NQO1: variants seen among roughly 807,000 people sequenced by gnomAD.
The protein encoded by NQO1 is NAD(P)H quinone dehydrogenase 1.
A neutral mutation model predicts 32.1 loss-of-function variants in NQO1; 30 were observed. The ratio of observed to expected loss-of-function variants is 0.94; its 90% confidence interval spans 0.70 to 1.27. NQO1 has a LOEUF of 1.27. Among genes scored for constraint, NQO1 ranks in the 50% most tolerant of loss-of-function variants. The pLI is 0.00. For synonymous variants in NQO1, 109 were observed against 119.7 expected (o/e 0.91, Z 0.59); for missense variants, 276 against 331.3 (o/e 0.83, Z 1.30).
At chr16:69,724,972 A>G (rs2038241656) in intron 1 of NQO1, among the ~76,000 whole-genome samples, 1 of 152,204 alleles carries the variant, frequency 6.6e-6, no homozygotes, top group African/African-American at 2.4e-5. Flanking sequence ...TAAATACAGA[A>G]CATTCTGTAA....
chr16:69,718,388 A>G lies in NQO1; in HGVS notation c.154T>C (p.Ser52Pro), dbSNP rs894987542. 1.2e-6 allele frequency: 2 copies of G among 1,614,184 alleles called. No homozygotes were observed. Among genetic ancestry groups the G allele is most frequent in the African/African-American group, 1.3e-5 (1 of 75,054 alleles). Reference sequence around the variant, plus strand: ...CTCCTACCTGTGATGTCCTTTCTGGAAATGATGGGATTGAAGTTCATGGCA... The same window carrying G: ...CTCCTACCTGTGATGTCCTTTCTGGGAATGATGGGATTGAAGTTCATGGCA... ...LYAMNFNPII[S>P]RKDITGKLKD... Residue 52 changes from serine (S) to proline (P), a missense_variant, in exon 2 of 6, where the codon TCC (serine) becomes CCC (proline). Transcript: ENST00000320623.
rs140517185 is a variant in NQO1, at chr16:69,724,034, C to T, written c.7+2399G>A. Among the ~76,000 whole-genome samples the T allele has an allele frequency of 3.3e-5, 5 of 151,932 alleles. No individual in the cohort carries two copies. The East Asian group carries it at 9.8e-4, about 30-fold the overall frequency. On this transcript the variant is annotated intron_variant, in intron 1 of 5. Coordinates refer to ENST00000320623, the MANE Select transcript of NQO1 (RefSeq NM_000903.3). ...GTAAGGGACAAAGTTCAACAGAAGGCTGGGTGTGGTGGCTCATGCCTGTAA... is the reference window on the plus strand; with the variant it reads ...GTAAGGGACAAAGTTCAACAGAAGGTTGGGTGTGGTGGCTCATGCCTGTAA...
intron 3 of NQO1, among the ~76,000 whole-genome samples, chr16:69,716,692 A>T (rs1394618296): frequency 6.6e-6 from 1 of 151,848 alleles, no homozygotes; most frequent in East Asian, 1.9e-4. Flanking sequence ...GCACATGCCT[A>T]TAATCCCAGC....
At chr16:69,723,501 C>G (rs1486302331) in intron 1 of NQO1, among the ~76,000 whole-genome samples, 1 of 151,930 alleles carries the variant, frequency 6.6e-6, no homozygotes, top group East Asian at 1.9e-4. Flanking sequence ...GAAAAATGAT[C>G]AAAAGAAGGT....
At chr16:69,725,826 A>G (rs942345124) in intron 1 of NQO1, among the ~76,000 whole-genome samples, 1 of 152,210 alleles carries the variant, frequency 6.6e-6, no homozygotes. Context: ...CTGAGCTGAG[A>G]TAGCGCCATT....
intron 1 of NQO1, among the ~76,000 whole-genome samples, chr16:69,723,464 T>C (rs1478968446): frequency 6.6e-6 from 1 of 152,088 alleles, no homozygotes; most frequent in Non-Finnish European, 1.5e-5. Flanking sequence ...GTACCTGGAA[T>C]AGGTAGATCC....
chr16:69,726,380 G>A (rs1171258737), intron 1 of NQO1, 53 bp downstream of exon 1: 3 of 1,607,606 alleles, frequency 1.9e-6, no homozygotes, highest in Non-Finnish European at 2.5e-6. Flanking sequence ...TCCTCCACAG[G>A]CACCAGTGCT....
intron 3 of NQO1, among the ~76,000 whole-genome samples, chr16:69,716,368 T>C (rs961793632): frequency 1.3e-5 from 2 of 151,724 alleles, no homozygotes; most frequent in African/African-American, 4.8e-5. Context: ...GGTGCATGCC[T>C]GTAGTCCCAG....
At chr16:69,712,037 T>C (rs2038048345) in intron 5 of NQO1, among the ~76,000 whole-genome samples, 2 of 152,288 alleles carry the variant, frequency 1.3e-5, no homozygotes, top group South Asian at 4.1e-4. Context: ...GTAACACCAA[T>C]AAGCCCACCC....
At chr16:69,721,140 C>G (rs531899770) in intron 1 of NQO1, among the ~76,000 whole-genome samples, 1 of 151,940 alleles carries the variant, frequency 6.6e-6, no homozygotes, top group Non-Finnish European at 1.5e-5. Context: ...TTTTGCCTGC[C>G]TCAGCCTCCT....
chr16:69,724,802 T>G (rs1276527336), intron 1 of NQO1, among the ~76,000 whole-genome samples: 1 of 152,176 alleles, frequency 6.6e-6, no homozygotes. Flanking sequence ...GGAACATGAG[T>G]GCAAATCAGA....
At chr16:69,723,048 C>A (rs2038214117) in intron 1 of NQO1, among the ~76,000 whole-genome samples, 1 of 152,180 alleles carries the variant, frequency 6.6e-6, no homozygotes, top group African/African-American at 2.4e-5. Flanking sequence ...CTGCCTCAGC[C>A]TCCAGAGTAG....
chr16:69,720,281 T>C (rs908427618), intron 1 of NQO1, among the ~76,000 whole-genome samples: 1 of 151,632 alleles, frequency 6.6e-6, no homozygotes, highest in Non-Finnish European at 1.5e-5. Flanking sequence ...ATTTTAAAAA[T>C]TAAAAAAATT....
intron 1 of NQO1, among the ~76,000 whole-genome samples, chr16:69,721,233 C>T (rs1309109867): frequency 2.6e-5 from 4 of 152,154 alleles, no homozygotes; most frequent in African/African-American, 9.7e-5. Flanking sequence ...ATGTTTTAAA[C>T]GTGTCCCCCT....
In NQO1 at chr16:69,720,911, C is replaced by T. The variant is rs150763279; in HGVS notation, c.8-2377G>A. On this transcript the variant is annotated intron_variant, in intron 1 of 5. Transcript: ENST00000320623. Reference sequence around the variant, plus strand: ...TTTTTCTCTTTCTGAGACAGGGTCTCGATCTGTTGCCCAGGCTGGAATGCA... The same window carrying T: ...TTTTTCTCTTTCTGAGACAGGGTCTTGATCTGTTGCCCAGGCTGGAATGCA... 2.3e-3 allele frequency among the ~76,000 whole-genome samples: 343 copies of T among 152,044 alleles called. 2 individuals carry two copies. Among genetic ancestry groups the T allele is most frequent in the South Asian group, 5.8e-3 (28 of 4,822 alleles).
rs760170604 is a variant in NQO1 at position 69,718,161 on chromosome 16, G to C, written c.265C>G (p.Gln89Glu). 6.2e-7 allele frequency: 1 copy of C among 1,614,014 alleles called. No individual in the cohort carries two copies. The highest frequency in any genetic ancestry group is 8.5e-7 in the Non-Finnish European group (1 of 1,179,934). Reference protein sequence around the residue: ...GHLSPDIVAEQKKLEAADLVI... With the variant: ...GHLSPDIVAEEKKLEAADLVI... ...AGGTCTGCGGCTTCCAGCTTCTTTT[G>C]TTCAGCCACAATATCTGGGCTCAGA... Residue 89 changes from glutamine to glutamate, a missense_variant, in exon 3 of 6, where the codon CAA becomes GAA. Physicochemically the swap from Gln to Glu is conservative, Grantham distance 29. Transcript: ENST00000320623.
intron 1 of NQO1, among the ~76,000 whole-genome samples, chr16:69,724,935 C>T (rs571041820): frequency 2.6e-5 from 4 of 152,282 alleles, no homozygotes; most frequent in East Asian, 1.9e-4. Flanking sequence ...TCATTACCAC[C>T]GCCCTTTTTT....
At position 69,713,076 on chromosome 16, in the gene NQO1, A is replaced by G; in HGVS notation, c.471T>C (p.Ser157=). 1 of 1,614,184 alleles carries G rather than the reference A, an allele frequency of 6.2e-7. No individual in the cohort carries two copies. The highest frequency in any genetic ancestry group is 8.5e-7 in the Non-Finnish European group (1 of 1,180,008). ...ITTGGSGSMY[S]LQGIHGDMNV... ...TCATGTCCCCGTGGATCCCTTGCAGAGAGTACATGGAGCCACTGCCACCAG... is the reference window on the plus strand; with the variant it reads ...TCATGTCCCCGTGGATCCCTTGCAGGGAGTACATGGAGCCACTGCCACCAG... Residue 157 remains serine, a synonymous_variant, in exon 5 of 6, where the codon TCT becomes TCC. Coordinates refer to ENST00000320623, the MANE Select transcript of NQO1 (RefSeq NM_000903.3).
In NQO1 at chr16:69,718,407, C is replaced by G; in HGVS notation, c.135G>C (p.Met45Ile). 1 of 1,614,188 alleles carries G rather than the reference C, an allele frequency of 6.2e-7. No individual in the cohort carries two copies. The highest frequency in any genetic ancestry group is 8.5e-7 in the Non-Finnish European group (1 of 1,180,044). The change falls in exon 2 of 6, where the codon ATG becomes ATC. Residue 45 changes from methionine to isoleucine, a missense_variant. Physicochemically the swap from Met to Ile is conservative, Grantham distance 10. Coordinates refer to ENST00000320623, the MANE Select transcript of NQO1 (RefSeq NM_000903.3). ...TTCTGGAAATGATGGGATTGAAGTT[C>G]ATGGCATAGAGGTCCGACTCCACCA... Reference protein sequence around the residue: ...WEVVESDLYAMNFNPIISRKD... With the variant: ...WEVVESDLYAINFNPIISRKD...
Sources: allele counts gnomAD v4.1 joint callset (sites outside exome capture counted in the v4.1 genomes callset), GRCh38; gene constraint gnomAD v4.1.1; transcripts MANE v1.5; gene names NCBI Gene and HGNC (gene_info 2026-07-23, HGNC 2026-07-21).